The following FBXL17 variants were observed in gnomAD, a reference collection of about 807,000 sequenced individuals.
FBXL17 encodes the protein F-box/LRR-repeat protein 17.
FBXL17 carries 22 observed loss-of-function variants against 66.2 expected under a neutral mutation model. The ratio of observed to expected loss-of-function variants is 0.33; its 90% CI spans 0.24 to 0.47. The LOEUF is 0.47. Ranked by LOEUF, FBXL17 falls within the 20% of genes least tolerant of loss-of-function variation. The pLI is 1.00. For synonymous variants in FBXL17, 474 were observed against 400.5 expected (o/e 1.18, Z -2.19); for missense variants, 878 against 948.2 (o/e 0.93, Z 0.97).
chr5:107,971,869 A>G (rs1752385278), intron 7 of FBXL17, among the ~76,000 whole-genome samples: 1 of 152,086 alleles, frequency 6.6e-6, no homozygotes, highest in African/African-American at 2.4e-5. Context: ...CCTCACCCCA[A>G]TTCTGTATTA....
chr5:108,207,813 T>C (rs542247432), intron 5 of FBXL17, among the ~76,000 whole-genome samples: 3 of 152,360 alleles, frequency 2.0e-5, no homozygotes, highest in African/African-American at 7.2e-5. Context: ...AGTAGAATGA[T>C]TTATAATCCT....
chr5:107,880,409 G>A (rs1001389751), intron 8 of FBXL17: 3 of 986,954 alleles, frequency 3.0e-6, no homozygotes, highest in South Asian at 4.7e-5. Flanking sequence ...AGGGTCCCAC[G>A]TTAAATGCTA....
At chr5:108,090,667 CATG>C (rs527700657) in intron 6 of FBXL17, among the ~76,000 whole-genome samples, 69 of 152,096 alleles carry the variant, frequency 4.5e-4, no homozygotes, top group Admixed American at 1.4e-3. Context: ...ATTTTCATAT[CATG>C]ATAAGTTATC....
At chr5:108,247,491 G>A (rs1422811284) in intron 4 of FBXL17, among the ~76,000 whole-genome samples, 1 of 152,038 alleles carries the variant, frequency 6.6e-6, no homozygotes, top group East Asian at 1.9e-4. Context: ...CTGTAAAATG[G>A]AAATTAGATT....
intron 7 of FBXL17, among the ~76,000 whole-genome samples, chr5:107,916,556 G>C (rs1439409289): frequency 1.3e-5 from 2 of 152,020 alleles, no homozygotes; most frequent in Non-Finnish European, 2.9e-5. Context: ...TTTCCTCAAA[G>C]ATATTCAACA....
chr5:108,376,779 G>A (rs1275776113), intron 1 of FBXL17, among the ~76,000 whole-genome samples: 1 of 136,554 alleles, frequency 7.3e-6, no homozygotes, highest in East Asian at 2.3e-4. Context: ...CATAGCCAGT[G>A]TATATTCTTT....
At chr5:107,892,096 T>C (rs1352544984) in intron 7 of FBXL17, among the ~76,000 whole-genome samples, 1 of 152,118 alleles carries the variant, frequency 6.6e-6, no homozygotes, top group South Asian at 2.1e-4. Context: ...ATTGAATATC[T>C]CATATAATTT....
intron 4 of FBXL17, among the ~76,000 whole-genome samples, chr5:108,330,757 T>C (rs866603277): frequency 3.4e-4 from 52 of 152,108 alleles, no homozygotes; most frequent in African/African-American, 1.3e-3. Flanking sequence ...TCATCACACA[T>C]GCACACACAT....
chr5:108,063,669 A>G (rs950339428), intron 6 of FBXL17, among the ~76,000 whole-genome samples: 6 of 152,022 alleles, frequency 3.9e-5, no homozygotes, highest in Non-Finnish European at 8.8e-5. Flanking sequence ...TAAAATGAGT[A>G]AAAATCTTCC....
At chr5:108,068,630 T>A (rs1024913439) in intron 6 of FBXL17, among the ~76,000 whole-genome samples, 7 of 152,044 alleles carry the variant, frequency 4.6e-5, no homozygotes, top group African/African-American at 7.2e-5. Context: ...TAATTTTTTG[T>A]ATTTTTTTAG....
chr5:108,249,150 AT>A (rs966005251), intron 4 of FBXL17, among the ~76,000 whole-genome samples: 3 of 151,942 alleles, frequency 2.0e-5, no homozygotes, highest in African/African-American at 7.2e-5. Context: ...TCCTTTTCCC[AT>A]TTTTTTCCCT....
chr5:108,294,830 A>G (rs1205906342), intron 4 of FBXL17, among the ~76,000 whole-genome samples: 9 of 152,076 alleles, frequency 5.9e-5, no homozygotes, highest in Admixed American at 5.2e-4. Flanking sequence ...TCTGCAATAA[A>G]CCTTGTTACA....
In FBXL17 at chr5:108,381,828, G is replaced by T; in HGVS notation, c.-137C>A. On this transcript the variant is annotated 5_prime_UTR_variant, in exon 1 of 9. Coordinates refer to ENST00000542267, the MANE Select transcript of FBXL17 (RefSeq NM_001163315.3). ...TTCCTGCGCACACACACGCACACAC[G>T]GGCACACACGCGACGGTGGGGGGTG... 1 of 1,304,312 alleles carries T rather than the reference G, an allele frequency of 7.7e-7. No individual in the cohort carries two copies. Among genetic ancestry groups the T allele is most frequent in the Admixed American group, 4.2e-5 (1 of 24,064 alleles). The allele number at this position is 1,304,312 out of a possible 1,614,324, so 80.8% of individuals were successfully genotyped here. A position where few individuals can be genotyped will look rare whatever the true frequency, so the allele number is the denominator to read the frequency against.
At chr5:108,303,399 C>CA (rs1408571512) in intron 4 of FBXL17, among the ~76,000 whole-genome samples, 9 of 149,084 alleles carry the variant, frequency 6.0e-5, no homozygotes, top group African/African-American at 9.8e-5. Flanking sequence ...CACACACATA[C>CA]CCACACACAA....
intron 6 of FBXL17, among the ~76,000 whole-genome samples, chr5:108,121,610 G>A (rs1236613313): frequency 6.6e-6 from 1 of 151,620 alleles, no homozygotes; most frequent in Non-Finnish European, 1.5e-5. Flanking sequence ...AGGCTGGAGT[G>A]CAGTGGCACG....
chr5:108,032,034 A>G (rs1746662466), intron 6 of FBXL17, among the ~76,000 whole-genome samples: 1 of 152,154 alleles, frequency 6.6e-6, no homozygotes, highest in Non-Finnish European at 1.5e-5. Flanking sequence ...TTTGTCATTA[A>G]TTATTTGGAT....
chr5:108,143,347 TCACACACACACA>T (rs67696841), intron 6 of FBXL17, among the ~76,000 whole-genome samples: 1 of 147,686 alleles, frequency 6.8e-6, no homozygotes, highest in East Asian at 2.0e-4. Context: ...AACAGCATTC[TCACACACACACA>T]CACACACACA....
intron 7 of FBXL17, among the ~76,000 whole-genome samples, chr5:107,956,471 T>A (rs897749195): frequency 3.3e-5 from 5 of 152,188 alleles, no homozygotes; most frequent in Non-Finnish European, 5.9e-5. Flanking sequence ...AGAGTTCAGA[T>A]ACACCAGAGG....
chr5:108,186,675 C>T (rs1753248253), intron 5 of FBXL17, among the ~76,000 whole-genome samples: 1 of 151,202 alleles, frequency 6.6e-6, no homozygotes, highest in African/African-American at 2.4e-5. Context: ...GAGGCTGAGG[C>T]AGGGGAATTC....
Sources: gnomAD v4.1 joint callset for allele counts (sites outside exome capture counted in the v4.1 genomes callset) on GRCh38, gnomAD v4.1.1 for gene constraint, MANE v1.5 for transcripts, NCBI Gene and HGNC (gene_info 2026-07-23, HGNC 2026-07-21) for gene names.